The following FAHD1 variants were observed in gnomAD, a reference collection of about 807,000 sequenced individuals.
FAHD1 encodes the protein FAH domain containing oxaloacetate decarboxylase 1.
FAHD1 carries 14 observed loss-of-function variants against 12.7 expected under a neutral mutation model. That is an observed-to-expected ratio of 1.10 (90% CI 0.73 to 1.72). The LOEUF is 1.72. Among genes scored for constraint, FAHD1 ranks in the 40% most tolerant of loss-of-function variants. FAHD1 has a pLI of 0.00. For missense variants in FAHD1, 351 were observed against 298.9 expected (o/e 1.17, Z -1.29); for synonymous variants, 153 against 124.9 (o/e 1.22, Z -1.50).
At chr16:1,830,832 CTA>C (rs756592326), downstream of FAHD1, among the ~76,000 whole-genome samples, 1 of 152,094 alleles carries the variant, frequency 6.6e-6, no homozygotes. Flanking sequence ...CCAGCATTCA[CTA>C]TGTTTGTCCT....
At chr16:1,834,015 G>T in intron 1 of FAHD1, 1 of 379,490 alleles carries the variant, frequency 2.6e-6, no homozygotes, top group Non-Finnish European at 4.7e-6. Context: ...ATTAATTCAT[G>T]TAAACATTTT....
At chr16:1,832,347 A>C (rs922403274), downstream of FAHD1, among the ~76,000 whole-genome samples, 1 of 150,130 alleles carries the variant, frequency 6.7e-6, no homozygotes, top group Admixed American at 6.6e-5. Context: ...ATTTTTTTGT[A>C]TTTTTAGTAG....
At chr16:1,827,285 A>C in exon 1 of FAHD1, 1 of 1,613,112 alleles carries the variant, frequency 6.2e-7, no homozygotes, top group Non-Finnish European at 8.5e-7. Context: ...TGGGGAAAGA[A>C]CATCGTCTGC....
chr16:1,831,164 A>T (rs771843496), downstream of FAHD1, among the ~76,000 whole-genome samples: 117 of 152,224 alleles, frequency 7.7e-4, 2 homozygotes, highest in Non-Finnish European at 3.1e-4. Context: ...TTATAAAAAA[A>T]TGAGTATTAC....
exon 1 of FAHD1, chr16:1,827,843 T>C (rs2142061978): frequency 6.2e-7 from 1 of 1,614,036 alleles, no homozygotes; most frequent in South Asian, 1.1e-5. Flanking sequence ...AACGATGAGA[T>C]CGAGGCTGGC....
exon 3 of FAHD1, chr16:1,840,117 T>C (rs1269426628): frequency 6.6e-6 from 1 of 152,220 alleles, no homozygotes; most frequent in African/African-American, 2.4e-5. Context: ...GAACTGAAGA[T>C]AGTGGTTTCT....
chr16:1,838,187 A>G (rs1416165386), intron 2 of FAHD1: 1 of 474,576 alleles, frequency 2.1e-6, no homozygotes, highest in Non-Finnish European at 3.7e-6. Flanking sequence ...TTTTGTAGAG[A>G]CAGGGTCTCA....
chr16:1,829,759 C>T (rs1455827408), downstream of FAHD1, among the ~76,000 whole-genome samples: 1 of 152,152 alleles, frequency 6.6e-6, no homozygotes, highest in Non-Finnish European at 1.5e-5. Flanking sequence ...TACCCAGAGA[C>T]AGCCAAAGTT....
At chr16:1,837,961 G>T in intron 1 of FAHD1, 2 of 1,446,212 alleles carry the variant, frequency 1.4e-6, no homozygotes, top group East Asian at 5.0e-5. Flanking sequence ...TTTCTCATTA[G>T]AAATGAAATT....
At chr16:1,834,413 C>T in intron 1 of FAHD1, 1 of 1,004,500 alleles carries the variant, frequency 1.0e-6, no homozygotes, top group South Asian at 1.4e-5. Flanking sequence ...TTTTTAAAAT[C>T]CCCTTGTATA....
chr16:1,834,261 C>T (rs1468645755), intron 1 of FAHD1: 3 of 1,579,952 alleles, frequency 1.9e-6, no homozygotes, highest in Non-Finnish European at 1.7e-6. Context: ...CCGTTTTAAA[C>T]ATGTTTTTGT....
intron 1 of FAHD1, among the ~76,000 whole-genome samples, chr16:1,836,266 A>G (rs777033137): frequency 6.6e-6 from 1 of 152,212 alleles, no homozygotes; most frequent in African/African-American, 2.4e-5. Context: ...GCTTGTCCAT[A>G]ATTATGAATA....
chr16:1,827,652 T>A (rs772186508), exon 1 of FAHD1: 3 of 1,614,104 alleles, frequency 1.9e-6, no homozygotes, highest in Non-Finnish European at 2.5e-6. Flanking sequence ...AGAAGATCCC[T>A]GACCCTCACA....
intron 1 of FAHD1, chr16:1,834,261 CAT>C (rs781605061): frequency 1.9e-6 from 3 of 1,579,952 alleles, no homozygotes; most frequent in Non-Finnish European, 2.6e-6. Context: ...CCGTTTTAAA[CAT>C]GTTTTTGTCC....
At chr16:1,838,050 G>A (rs1332493850) in exon 2 of FAHD1, 15 of 1,202,106 alleles carry the variant, frequency 1.2e-5, no homozygotes, top group Middle Eastern at 3.9e-4. Context: ...AAGCTGGAGT[G>A]CAGCAGTGCT....
At chr16:1,836,470 C>A (rs900416790) in intron 1 of FAHD1, among the ~76,000 whole-genome samples, 1 of 152,144 alleles carries the variant, frequency 6.6e-6, no homozygotes. Flanking sequence ...GGTCAAGGAC[C>A]TAAGCATGCC....
chr16:1,834,338 C>T, intron 1 of FAHD1: 1 of 1,611,348 alleles, frequency 6.2e-7, no homozygotes, highest in Non-Finnish European at 8.5e-7. Flanking sequence ...AATTTTCAAT[C>T]CACTCCTTGC....
intron 1 of FAHD1, chr16:1,837,792 A>G: frequency 6.6e-7 from 1 of 1,507,508 alleles, no homozygotes; most frequent in Non-Finnish European, 9.0e-7. Flanking sequence ...ACTTTTAAAT[A>G]AATTTTGCTT....
At position 1,827,494 on chromosome 16, in the gene FAHD1, G is replaced by A. The variant is rs777951334; in HGVS notation, c.256G>A (p.Ala86Thr). ...GCGCTGCCGCGCAGTCCCCGAGGCT[G>A]CGGCCATGGACTACGTGGGCGGCTA... Residue 86 changes from alanine to threonine, a missense_variant, in exon 1 of 1, where the codon GCG becomes ACG. By Grantham distance (58) the Ala-to-Thr change is moderately conservative. Transcript: ENST00000427358. The A allele has an allele frequency of 2.5e-6, 4 of 1,612,710 alleles. No homozygotes were observed. In the South Asian group the frequency reaches 3.3e-5, roughly 13 times the overall value.
Sources: allele counts gnomAD v4.1 joint callset (sites outside exome capture counted in the v4.1 genomes callset), GRCh38; gene constraint gnomAD v4.1.1; transcripts MANE v1.5; gene names NCBI Gene and HGNC (gene_info 2026-07-23, HGNC 2026-07-21).